GPC5: variants seen among roughly 807,000 people sequenced by gnomAD.
GPC5 encodes the protein glypican-5.
In GPC5, 47 loss-of-function variants were observed where a neutral mutation model predicts 53.9. The observed-to-expected ratio is 0.87, with a 90% CI of 0.69 to 1.11. The LOEUF (loss-of-function observed/expected upper bound fraction) is 1.11, where lower values mean the gene tolerates loss of function less well. Among genes scored for constraint, GPC5 ranks in the 50% most tolerant of loss-of-function variants. GPC5 has a pLI of 0.00. For synonymous variants in GPC5, 286 were observed against 263.3 expected, an observed-to-expected ratio of 1.09 and a Z score of -0.84; for missense variants, 748 against 713.1, an observed-to-expected ratio of 1.05 and a Z score of -0.56.
intron 7 of GPC5, among the ~76,000 whole-genome samples, chr13:92,693,368 G>T (rs750686750): frequency 1.3e-5 from 2 of 152,266 alleles, no homozygotes; most frequent in South Asian, 4.1e-4. Flanking sequence ...GGAAAATTTC[G>T]AACTTCCTAG....
chr13:91,746,273 TCAAA>T (rs1482809691), intron 4 of GPC5, among the ~76,000 whole-genome samples: 9 of 152,140 alleles, frequency 5.9e-5, no homozygotes, highest in Non-Finnish European at 1.2e-4. Context: ...ACAGATATTT[TCAAA>T]CAGTGTGCTA....
intron 5 of GPC5, among the ~76,000 whole-genome samples, chr13:91,882,991 C>T (rs1217472155): frequency 1.3e-5 from 2 of 152,084 alleles, no homozygotes; most frequent in African/African-American, 2.4e-5. Context: ...AAAACAGCAA[C>T]CACTTCATTA....
intron 2 of GPC5, among the ~76,000 whole-genome samples, chr13:91,587,199 G>C (rs1311819437): frequency 6.6e-6 from 1 of 151,930 alleles, no homozygotes; most frequent in African/African-American, 2.4e-5. Context: ...TATGTTTTAG[G>C]CTATTTATAG....
intron 6 of GPC5, among the ~76,000 whole-genome samples, chr13:92,135,568 C>T (rs1427138112): frequency 6.6e-6 from 1 of 152,106 alleles, no homozygotes; most frequent in Non-Finnish European, 1.5e-5. Context: ...AATGGAGAGA[C>T]ATACAGGATT....
intron 7 of GPC5, among the ~76,000 whole-genome samples, chr13:92,205,496 C>T (rs1401227032): frequency 6.6e-6 from 1 of 152,100 alleles, no homozygotes; most frequent in Non-Finnish European, 1.5e-5. Flanking sequence ...GATCATTCCT[C>T]CAACTCCAAG....
chr13:91,656,012 G>A (rs1373864), intron 2 of GPC5, among the ~76,000 whole-genome samples: 4,228 of 152,220 alleles, frequency 0.028, 178 homozygotes, highest in African/African-American at 0.093. Context: ...TTTAGTGATC[G>A]TTGTGTCAGC....
At chr13:92,709,950 GA>G (rs1427624879) in intron 7 of GPC5, among the ~76,000 whole-genome samples, 1 of 152,138 alleles carries the variant, frequency 6.6e-6, no homozygotes, top group East Asian at 1.9e-4. Context: ...AGATTTCTAA[GA>G]AGACTGAATT....
At chr13:91,413,315 A>G (rs1877948257) in intron 1 of GPC5, among the ~76,000 whole-genome samples, 1 of 152,148 alleles carries the variant, frequency 6.6e-6, no homozygotes, top group African/African-American at 2.4e-5. Context: ...CAAGTGACTT[A>G]AGACATCATT....
chr13:91,646,112 G>A (rs1327788763), intron 2 of GPC5, among the ~76,000 whole-genome samples: 1 of 152,198 alleles, frequency 6.6e-6, no homozygotes, highest in Non-Finnish European at 1.5e-5. Flanking sequence ...AAACTCAGCA[G>A]TGGCTCTCAT....
intron 7 of GPC5, among the ~76,000 whole-genome samples, chr13:92,664,361 T>A (rs570985084): frequency 6.6e-6 from 1 of 152,064 alleles, no homozygotes; most frequent in Non-Finnish European, 1.5e-5. Context: ...TAGATTTTTT[T>A]TTTTTTTTTT....
At chr13:91,793,198 C>T (rs1229099748) in intron 5 of GPC5, among the ~76,000 whole-genome samples, 2 of 152,164 alleles carry the variant, frequency 1.3e-5, no homozygotes, top group Admixed American at 1.3e-4. Flanking sequence ...ACACATTCTT[C>T]TTCACATGGT....
At chr13:91,924,688 C>T (rs570710500) in intron 6 of GPC5, among the ~76,000 whole-genome samples, 50 of 152,150 alleles carry the variant, frequency 3.3e-4, no homozygotes, top group Non-Finnish European at 5.9e-4. Flanking sequence ...TTGTGGTGAG[C>T]CGTGATTATG....
At chr13:91,961,832 A>G (rs2040128806) in intron 6 of GPC5, among the ~76,000 whole-genome samples, 1 of 152,092 alleles carries the variant, frequency 6.6e-6, no homozygotes, top group Non-Finnish European at 1.5e-5. Flanking sequence ...TCCAATATTA[A>G]GAGAAGGGAG....
intron 1 of GPC5, among the ~76,000 whole-genome samples, chr13:91,407,776 C>G (rs1877434823): frequency 6.6e-6 from 1 of 152,078 alleles, no homozygotes; most frequent in South Asian, 2.1e-4. Context: ...ACCAGAGGGA[C>G]CACAGTTTTC....
At chr13:92,553,020 A>G (rs1882370111) in intron 7 of GPC5, among the ~76,000 whole-genome samples, 1 of 151,844 alleles carries the variant, frequency 6.6e-6, no homozygotes, top group Non-Finnish European at 1.5e-5. Flanking sequence ...CTTCCAGTCT[A>G]TTTTATTCTT....
In GPC5 at chr13:92,422,106, A is replaced by G. The variant is rs192224192; in HGVS notation, c.1561+277117A>G. Among the ~76,000 whole-genome samples, 428 of 148,828 alleles carry G rather than the reference A, an allele frequency of 2.9e-3. 2 individuals are homozygous for G. The highest frequency in any genetic ancestry group is 0.01 in the African/African-American group (403 of 39,878). On this transcript the variant is annotated intron_variant, in intron 7 of 7. Coordinates refer to ENST00000377067, the MANE Select transcript of GPC5 (RefSeq NM_004466.6). ...GGACACAGACTAGAGATGGCTTAATATTATTCCCAAACAAATCTTGCCACC... is the reference window on the plus strand; with the variant it reads ...GGACACAGACTAGAGATGGCTTAATGTTATTCCCAAACAAATCTTGCCACC...
intron 7 of GPC5, among the ~76,000 whole-genome samples, chr13:92,539,856 C>A (rs914440601): frequency 6.6e-6 from 1 of 151,946 alleles, no homozygotes; most frequent in African/African-American, 2.4e-5. Context: ...GCTAGTAATT[C>A]TTTGCCACCC....
intron 7 of GPC5, among the ~76,000 whole-genome samples, chr13:92,424,547 A>G (rs1594190794): frequency 6.6e-6 from 1 of 152,186 alleles, no homozygotes; most frequent in East Asian, 1.9e-4. Context: ...TTTCAAAGAC[A>G]AGGTTCATCA....
intron 7 of GPC5, among the ~76,000 whole-genome samples, chr13:92,435,481 A>C (rs989926344): frequency 6.6e-6 from 1 of 152,224 alleles, no homozygotes; most frequent in Admixed American, 6.6e-5. Flanking sequence ...ATAAAAGATC[A>C]TTCTATTTTG....
Sources: gnomAD v4.1 joint callset for allele counts (sites outside exome capture counted in the v4.1 genomes callset) on GRCh38, gnomAD v4.1.1 for gene constraint, MANE v1.5 for transcripts, NCBI Gene and HGNC (gene_info 2026-07-23, HGNC 2026-07-21) for gene names.